Variants in UBAP2L observed in about 807,000 individuals in gnomAD.
UBAP2L encodes ubiquitin associated protein 2 like, also known as ubiquitin-associated protein 2-like.
UBAP2L carries 12 observed loss-of-function variants against 130.6 expected under a neutral mutation model. The observed-to-expected ratio is 0.09, with a 90% CI of 0.06 to 0.15. The LOEUF is 0.15. Among genes scored for constraint, UBAP2L ranks in the 10% least tolerant of loss-of-function variants. UBAP2L has a pLI of 1.00. For missense variants in UBAP2L, 965 were observed against 1,332.5 expected (o/e 0.72, Z 4.29); for synonymous variants, 503 against 524.7 (o/e 0.96, Z 0.57).
chr1:154,238,225 C>T (rs1672314077), intron 8 of UBAP2L, among the ~76,000 whole-genome samples: 1 of 152,136 alleles, frequency 6.6e-6, no homozygotes, highest in Non-Finnish European at 1.5e-5. Flanking sequence ...TAACACATTT[C>T]ATGGGTGGAG....
At chr1:154,232,385 A>C (rs1571650492) in intron 4 of UBAP2L, among the ~76,000 whole-genome samples, 1 of 151,928 alleles carries the variant, frequency 6.6e-6, no homozygotes, top group African/African-American at 2.4e-5. Context: ...TTCCATTTGT[A>C]CAGGTTTTTT....
rs988340496 is a variant in UBAP2L, at chr1:154,269,188, C to T, written c.3168+234C>T. The T allele has an allele frequency of 1.9e-5, 15 of 809,564 alleles. No homozygotes were observed. In the South Asian group the frequency reaches 2.3e-4, roughly 13 times the overall value. 50.1% of individuals were successfully genotyped at this position (809,564 alleles called of 1,614,324 possible). On this transcript the variant is annotated intron_variant, in intron 26 of 26. Transcript: ENST00000428931. Reference sequence around the variant, plus strand: ...CCTTTTTTGCCCAATTCCTTTGGTGCCCTTCTCCTCCTGTGCCACAGTTGT... The same window carrying T: ...CCTTTTTTGCCCAATTCCTTTGGTGTCCTTCTCCTCCTGTGCCACAGTTGT...
At position 154,261,663 on chromosome 1, in the gene UBAP2L, G is replaced by A. The variant is rs781764406; in HGVS notation, c.2868G>A (p.Gln956=). The A allele has an allele frequency of 1.2e-6, 2 of 1,614,168 alleles. No individual in the cohort carries two copies. Among genetic ancestry groups the A allele is most frequent in the Non-Finnish European group, 1.7e-6 (2 of 1,180,018 alleles). The change falls in exon 24 of 27, where the codon CAG becomes CAA. Residue 956 remains glutamine, a synonymous_variant. Transcript: ENST00000428931. ...SVNASATPFQ[Q]PSGYGSHGYN... ...ATGCATCGGCCACCCCTTTCCAACA[G>A]CCGAGTGGATATGGGTCTCATGGAT... is the stretch of plus-strand genomic sequence containing the variant.
chr1:154,240,870 T>C (rs926795610), intron 8 of UBAP2L, among the ~76,000 whole-genome samples: 6 of 151,678 alleles, frequency 4.0e-5, no homozygotes, highest in African/African-American at 7.3e-5. Context: ...TTCACTGAAT[T>C]GACCACTAAA....
rs1677603912 is a variant in UBAP2L at position 154,251,549 on chromosome 1, A to G, written c.1560A>G (p.Ala520=). ...CAGGGCTAAACCTGCAGTTTGGGGCATTGCAGTTTGGGTCAGAGCCTGTCC... is the reference window on the plus strand; with the variant it reads ...CAGGGCTAAACCTGCAGTTTGGGGCGTTGCAGTTTGGGTCAGAGCCTGTCC... ...DISGLNLQFG[A]LQFGSEPVLS... The change falls in exon 14 of 27, where the codon GCA becomes GCG. Residue 520 remains alanine (A), a synonymous_variant. Transcript: ENST00000428931. The G allele has an allele frequency of 6.2e-7, 1 of 1,613,902 alleles. No individual in the cohort carries two copies. Among genetic ancestry groups the G allele is most frequent in the South Asian group, 1.1e-5 (1 of 91,076 alleles).
In UBAP2L at chr1:154,221,345, G is replaced by A. The variant is rs1245605645; in HGVS notation, c.-41+370G>A. 4.2e-4 allele frequency: 65 copies of A among 153,088 alleles called. 1 individual carries two copies. The highest frequency in any genetic ancestry group is 4.1e-3 in the Admixed American group (63 of 15,292). The allele number at this position is 153,088 out of a possible 1,614,324, so 9.5% of individuals were successfully genotyped here. ...GGGGGGCCATGCGGCTAGAGCCTGAGAGGGGAGAGCGAGAAAGAGCGCGAG... is the reference window on the plus strand; with the variant it reads ...GGGGGGCCATGCGGCTAGAGCCTGAAAGGGGAGAGCGAGAAAGAGCGCGAG... On this transcript the variant is annotated intron_variant, in intron 1 of 26. Transcript: ENST00000428931.
intron 1 of UBAP2L, 100 bp from the exon 2 acceptor site, chr1:154,224,984 T>C (rs972631192): frequency 1.5e-6 from 1 of 683,586 alleles, no homozygotes; most frequent in Non-Finnish European, 2.5e-6. Context: ...GATTTGTTCC[T>C]TTGAAGAAGT....
rs1190263194 is a variant in UBAP2L, at chr1:154,225,173, C to T, written c.50C>T (p.Pro17Leu). The change falls in exon 2 of 27, where the codon CCT (proline) becomes CTT (leucine). Residue 17 changes from proline to leucine, a missense_variant. Pro to Leu is a moderately conservative substitution (Grantham distance 98). This residue lies in a region of UBAP2L where 24 missense variants were observed against 27.7 expected (regional missense o/e 0.87). Coordinates refer to ENST00000428931, the MANE Select transcript of UBAP2L (RefSeq NM_014847.4). Reference protein sequence around the residue: ...TNRARGNWEQPQNQNQTQHKQ... With the variant: ...TNRARGNWEQLQNQNQTQHKQ... The stretch of plus-strand genomic sequence containing the variant: ...CGAGCCCGGGGAAACTGGGAACAAC[C>T]TCAAAACCAAAACCAGACACAGCAC... The T allele has an allele frequency of 2.5e-6, 4 of 1,613,982 alleles. No individual in the cohort carries two copies. Among genetic ancestry groups the T allele is most frequent in the Non-Finnish European group, 3.4e-6 (4 of 1,180,026 alleles).
chr1:154,246,274 T>G lies in UBAP2L; in HGVS notation c.913T>G (p.Ser305Ala), dbSNP rs758958069. The G allele has an allele frequency of 3.1e-6, 5 of 1,613,882 alleles. No individual in the cohort carries two copies. The highest frequency in any genetic ancestry group is 4.2e-6 in the Non-Finnish European group (5 of 1,179,948). ...GAATGATTCATCTAATCTGGATCCG[T>G]CTCAGGCTCCTTCTCTGGCCCAGCC... is the stretch of plus-strand genomic sequence containing the variant. ...MENDSSNLDP[S>A]QAPSLAQPLV... is the part of the protein sequence containing the mutation. The change falls in exon 11 of 27, where the codon TCT (serine) becomes GCT (alanine). Residue 305 changes from serine to alanine, a missense_variant. By Grantham distance (99) the Ser-to-Ala change is moderately conservative. Coordinates refer to ENST00000428931, the MANE Select transcript of UBAP2L (RefSeq NM_014847.4).
intron 10 of UBAP2L, among the ~76,000 whole-genome samples, chr1:154,244,785 C>T (rs1219678485): frequency 6.6e-6 from 1 of 152,130 alleles, no homozygotes; most frequent in Non-Finnish European, 1.5e-5. Context: ...TATCCTGAAG[C>T]TCTCCAAATC....
chr1:154,268,167 G>T (rs1488649889), intron 25 of UBAP2L, among the ~76,000 whole-genome samples: 1 of 150,870 alleles, frequency 6.6e-6, no homozygotes, highest in African/African-American at 2.4e-5. Context: ...GGGATTACAG[G>T]CATGGGCCAC....
At position 154,243,415 on chromosome 1, in the gene UBAP2L, AATTAC is replaced by A. The variant is rs1674238363; in HGVS notation, c.842+121_842+125del. On this transcript the variant is annotated intron_variant, in intron 10 of 26. Transcript: ENST00000428931. ...CCCATGGTGTCAATAATAATAACCA[AATTAC>A]ATTACATCATTACATTCCTCTTAAG... 2.6e-5 allele frequency: 21 copies of A among 819,976 alleles called. No homozygotes were observed. In the South Asian group the frequency reaches 3.3e-4, roughly 13 times the overall value. 50.8% of individuals were successfully genotyped at this position (819,976 alleles called of 1,614,324 possible).
chr1:154,237,165 G>T, intron 8 of UBAP2L, 29 bp downstream of exon 8: 1 of 1,577,330 alleles, frequency 6.3e-7, no homozygotes, highest in Non-Finnish European at 8.7e-7. Context: ...TTCATTTCTT[G>T]TCTCTGGGAA....
chr1:154,268,280 C>T (rs1683951674), intron 25 of UBAP2L, among the ~76,000 whole-genome samples: 1 of 152,012 alleles, frequency 6.6e-6, no homozygotes, highest in Non-Finnish European at 1.5e-5. Flanking sequence ...CAACCTCCAC[C>T]TCCCAGGTTC....
chr1:154,234,715 G>C lies in UBAP2L; in HGVS notation c.404G>C (p.Gly135Ala). The C allele has an allele frequency of 6.2e-7, 1 of 1,611,652 alleles. No homozygotes were observed. The highest frequency in any genetic ancestry group is 8.5e-7 in the Non-Finnish European group (1 of 1,178,872). Reference protein sequence around the residue: ...DRDRDYSRRRGGPPRRGRGAS... With the variant: ...DRDRDYSRRRAGPPRRGRGAS... ...GACAGAGACTATAGTCGGCGACGTG[G>C]TGGGCCACCAAGACGGGGGAGAGGT... The change falls in exon 5 of 27, where the codon GGT becomes GCT. Residue 135 changes from glycine to alanine, a missense_variant. Gly to Ala is a moderately conservative substitution (Grantham distance 60). Around this residue, in one of 9 missense-constraint regions of UBAP2L, gnomAD observed 109 missense variants for 146.6 expected, o/e 0.74. Transcript: ENST00000428931.
chr1:154,251,702 TTTTTAATCTG>T (rs1677655723), intron 14 of UBAP2L, 49 bp downstream of exon 14: 1 of 1,599,028 alleles, frequency 6.3e-7, no homozygotes, highest in African/African-American at 1.3e-5. Flanking sequence ...CTTTACTACT[TTTTTAATCTG>T]TGGGAGATTT....
At chr1:154,225,039 T>C (rs1667484355) in intron 1 of UBAP2L, 45 bp from the exon 2 acceptor site, 5 of 1,356,112 alleles carry the variant, frequency 3.7e-6, no homozygotes, top group Admixed American at 3.7e-5. Context: ...GTTAAAAACA[T>C]ATTTTGCCCA....
chr1:154,234,701 T>C lies in UBAP2L; in HGVS notation c.390T>C (p.Tyr130=), dbSNP rs1558138671. The C allele has an allele frequency of 1.3e-5, 21 of 1,613,338 alleles. No individual in the cohort carries two copies. Among genetic ancestry groups the C allele is most frequent in the Middle Eastern group, 1.6e-4 (1 of 6,062 alleles). ...GKENRDRDRD[Y]SRRRGGPPRR... ...AAAATCGAGACCGGGACAGAGACTATAGTCGGCGACGTGGTGGGCCACCAA... is the reference window on the plus strand; with the variant it reads ...AAAATCGAGACCGGGACAGAGACTACAGTCGGCGACGTGGTGGGCCACCAA... The change falls in exon 5 of 27, where the codon TAT becomes TAC. Residue 130 remains tyrosine (Y), a synonymous_variant. Coordinates refer to ENST00000428931, the MANE Select transcript of UBAP2L (RefSeq NM_014847.4).
chr1:154,228,538 TCCCTTCAC>T, intron 3 of UBAP2L, 69 bp from the exon 4 acceptor site: 2 of 1,122,070 alleles, frequency 1.8e-6, no homozygotes, highest in Non-Finnish European at 2.7e-6. Context: ...TGATAGCGTT[TCCCTTCAC>T]CTAGTTTCCT....
Sources: allele counts gnomAD v4.1 joint callset (sites outside exome capture counted in the v4.1 genomes callset), GRCh38; gene constraint gnomAD v4.1.1; regional missense constraint gnomAD v4.1.1; transcripts MANE v1.5; gene names NCBI Gene and HGNC (gene_info 2026-07-23, HGNC 2026-07-21).